CDH10: variants seen among roughly 807,000 people sequenced by gnomAD.
CDH10 encodes cadherin-10.
A neutral mutation model predicts 73.1 loss-of-function variants in CDH10; 30 were observed. The observed-to-expected ratio is 0.41, with a 90% confidence interval of 0.31 to 0.56. The LOEUF (loss-of-function observed/expected upper bound fraction) is 0.56. Among genes scored for constraint, CDH10 ranks in the 20% least tolerant of loss-of-function variants. CDH10 has a pLI of 0.27. For synonymous variants in CDH10, 345 were observed against 348.2 expected, an observed-to-expected ratio of 0.99 and a Z score of 0.10; for missense variants, 815 against 973.7, an observed-to-expected ratio of 0.84 and a Z score of 2.17.
chr5:24,503,836 A>C (rs1045836310), intron 8 of CDH10, among the ~76,000 whole-genome samples: 1 of 152,142 alleles, frequency 6.6e-6, no homozygotes, highest in Admixed American at 6.5e-5. Context: ...TATATGATTA[A>C]ATGTGAACTC....
In CDH10 at chr5:24,498,504, G is replaced by A. The variant is rs145457868; in HGVS notation, c.1409C>T (p.Thr470Ile). 24 of 1,601,830 alleles carry A rather than the reference G, an allele frequency of 1.5e-5. No individual in the cohort carries two copies. In the African/African-American group the frequency reaches 2.9e-4, roughly 20 times the overall value. ...TCTCACAAAAACAGCCACGCGTGTTGTCTCTTTGGGATTGTCTGGAAAAGG... is the reference window on the plus strand; with the variant it reads ...TCTCACAAAAACAGCCACGCGTGTTATCTCTTTGGGATTGTCTGGAAAAGG... ...IAAEINNPKE[T>I]TRVAVFVRIL... Residue 470 changes from threonine to isoleucine, a missense_variant, in exon 9 of 12, where the codon ACA becomes ATA. By Grantham distance (89) the Thr-to-Ile change is moderately conservative (BLOSUM62 -1). Coordinates refer to ENST00000264463, the MANE Select transcript of CDH10 (RefSeq NM_006727.5).
At chr5:24,571,741 C>T (rs1308579238) in intron 2 of CDH10, among the ~76,000 whole-genome samples, 3 of 151,994 alleles carry the variant, frequency 2.0e-5, no homozygotes, top group South Asian at 2.1e-4. Context: ...AATGAGCTGG[C>T]AAATCTTTAA....
intron 1 of CDH10, among the ~76,000 whole-genome samples, chr5:24,605,825 G>C (rs1034163638): frequency 6.6e-6 from 1 of 152,096 alleles, no homozygotes; most frequent in Admixed American, 6.6e-5. Flanking sequence ...CCTCAAATGG[G>C]TGAATGGGTA....
intron 2 of CDH10, among the ~76,000 whole-genome samples, chr5:24,592,442 A>G (rs570086109): frequency 8.6e-5 from 13 of 150,526 alleles, no homozygotes; most frequent in Non-Finnish European, 1.9e-4. Flanking sequence ...GACTATTAAA[A>G]TGAATTTTTT....
intron 10 of CDH10, among the ~76,000 whole-genome samples, chr5:24,492,403 A>C (rs1742092145): frequency 6.6e-6 from 1 of 152,174 alleles, no homozygotes; most frequent in South Asian, 2.1e-4. Context: ...GAATCACCTC[A>C]CAGGCTACTT....
chr5:24,598,925 C>T (rs1005115815), intron 1 of CDH10, among the ~76,000 whole-genome samples: 1 of 152,030 alleles, frequency 6.6e-6, no homozygotes, highest in South Asian at 2.1e-4. Flanking sequence ...AATTTGGGGT[C>T]AGTGGGTAGA....
chr5:24,560,716 G>T (rs1230734538), intron 2 of CDH10, among the ~76,000 whole-genome samples: 2 of 151,990 alleles, frequency 1.3e-5, no homozygotes, highest in Admixed American at 1.3e-4. Context: ...AAACTCCAGG[G>T]TTCTTTTCTC....
At chr5:24,522,191 T>C (rs1474516620) in intron 5 of CDH10, among the ~76,000 whole-genome samples, 4 of 124,746 alleles carry the variant, frequency 3.2e-5, no homozygotes, top group African/African-American at 1.2e-4. Flanking sequence ...AATATGTAAT[T>C]GTGAGTGTTA....
chr5:24,624,901 T>C (rs1227254728), intron 1 of CDH10, among the ~76,000 whole-genome samples: 1 of 152,072 alleles, frequency 6.6e-6, no homozygotes, highest in Non-Finnish European at 1.5e-5. Flanking sequence ...TAAACTATCA[T>C]TAAAGAAAAG....
chr5:24,492,510 A>T (rs1742099785), intron 10 of CDH10, among the ~76,000 whole-genome samples: 1 of 152,066 alleles, frequency 6.6e-6, no homozygotes, highest in African/African-American at 2.4e-5. Flanking sequence ...TGAATCATTC[A>T]TTTTTCTACC....
intron 5 of CDH10, among the ~76,000 whole-genome samples, chr5:24,526,949 C>CT (rs2111840237): frequency 6.6e-6 from 1 of 151,914 alleles, no homozygotes; most frequent in African/African-American, 2.4e-5. Flanking sequence ...ATTTTATCCC[C>CT]TTTAACAACA....
intron 1 of CDH10, among the ~76,000 whole-genome samples, chr5:24,619,072 T>C (rs1268430791): frequency 6.6e-6 from 1 of 152,194 alleles, no homozygotes; most frequent in African/African-American, 2.4e-5. Context: ...GTCTACCCTG[T>C]GCCTGTCCCA....
At chr5:24,512,910 G>T (rs1368629925) in intron 5 of CDH10, among the ~76,000 whole-genome samples, 1 of 151,828 alleles carries the variant, frequency 6.6e-6, no homozygotes, top group Non-Finnish European at 1.5e-5. Context: ...TCACTTCCAT[G>T]AAAGATATGG....
intron 2 of CDH10, among the ~76,000 whole-genome samples, chr5:24,557,178 T>G (rs1744796700): frequency 8.0e-6 from 1 of 125,204 alleles, no homozygotes; most frequent in African/African-American, 3.0e-5. Flanking sequence ...AAGATCAGAA[T>G]AGAATTATTA....
At chr5:24,550,617 T>G (rs1326773166) in intron 2 of CDH10, among the ~76,000 whole-genome samples, 1 of 152,148 alleles carries the variant, frequency 6.6e-6, no homozygotes, top group African/African-American at 2.4e-5. Context: ...CTGAGGCTGG[T>G]GTGCATCTTT....
At chr5:24,635,019 A>T (rs1378759671) in intron 1 of CDH10, among the ~76,000 whole-genome samples, 1 of 147,802 alleles carries the variant, frequency 6.8e-6, no homozygotes, top group Non-Finnish European at 1.5e-5. Flanking sequence ...AAAAAAAAAC[A>T]GAAACAGTGG....
chr5:24,496,028 G>A (rs1462841707), intron 9 of CDH10, among the ~76,000 whole-genome samples: 1 of 152,024 alleles, frequency 6.6e-6, no homozygotes, highest in East Asian at 1.9e-4. Flanking sequence ...AACAATGAAT[G>A]GGTTTTAAGA....
chr5:24,539,796 T>G (rs1328038889), intron 2 of CDH10, among the ~76,000 whole-genome samples: 2 of 152,096 alleles, frequency 1.3e-5, no homozygotes, highest in African/African-American at 2.4e-5. Flanking sequence ...ACAAGACTGA[T>G]GCTTTACAGG....
intron 2 of CDH10, among the ~76,000 whole-genome samples, chr5:24,592,921 T>TAC (rs1554024022): frequency 4.2e-5 from 6 of 144,434 alleles, no homozygotes; most frequent in African/African-American, 1.3e-4. Flanking sequence ...TATATATATA[T>TAC]ACACATATGT....
Sources: gnomAD v4.1 joint callset for allele counts (sites outside exome capture counted in the v4.1 genomes callset) on GRCh38, gnomAD v4.1.1 for gene constraint, MANE v1.5 for transcripts, NCBI Gene and HGNC (gene_info 2026-07-23, HGNC 2026-07-21) for gene names.